The following BEND3 variants were observed in gnomAD, a reference collection of about 807,000 sequenced individuals.
BEND3 encodes BEN domain-containing protein 3.
A neutral mutation model predicts 60.1 loss-of-function variants in BEND3; 13 were observed. That is an observed-to-expected ratio of 0.22 (90% CI 0.14 to 0.34). The LOEUF (loss-of-function observed/expected upper bound fraction) is 0.34, where lower values mean the gene tolerates loss of function less well. Ranked by LOEUF, BEND3 falls within the 10% of genes least tolerant of loss-of-function variation. The probability of loss-of-function intolerance (pLI) is 1.00; values close to 1 mark genes in which losing one functional copy is unlikely to be tolerated. For synonymous variants in BEND3, 497 were observed against 491.5 expected (o/e 1.01, Z -0.15); for missense variants, 896 against 1,138.1 (o/e 0.79, Z 3.06).
At chr6:107,105,327 C>T (rs782798016) in intron 1 of BEND3, among the ~76,000 whole-genome samples, 4 of 149,910 alleles carry the variant, frequency 2.7e-5, no homozygotes, top group Admixed American at 6.7e-5. Flanking sequence ...GCCGAGATCG[C>T]GCCACTGCAC....
intron 3 of BEND3, among the ~76,000 whole-genome samples, chr6:107,090,140 G>A (rs1324868811): frequency 1.3e-5 from 2 of 151,942 alleles, no homozygotes; most frequent in Non-Finnish European, 2.9e-5. Context: ...CTTGAGGTCA[G>A]GAGTTCAAGA....
In BEND3 at chr6:107,069,286, G is replaced by T. The variant is rs1417714071; in HGVS notation, c.1905C>A (p.Phe635Leu). ...AKNDRVWTLE[F>L]VGKLDERCRR... Reference sequence around the variant, plus strand: ...GGCAGCGCTCATCCAGTTTGCCCACGAACTCCAGGGTCCAGACGCGGTCGT... The same window carrying T: ...GGCAGCGCTCATCCAGTTTGCCCACTAACTCCAGGGTCCAGACGCGGTCGT... The change falls in exon 4 of 4, where the codon TTC becomes TTA. Residue 635 changes from phenylalanine (F) to leucine (L), a missense_variant. Physicochemically the swap from Phe to Leu is conservative, Grantham distance 22. Transcript: ENST00000369042. The T allele has an allele frequency of 1.2e-6, 2 of 1,612,380 alleles. No individual in the cohort carries two copies. Among genetic ancestry groups the T allele is most frequent in the African/African-American group, 2.7e-5 (2 of 74,890 alleles).
At chr6:107,073,456 A>G (rs1347150023) in intron 3 of BEND3, among the ~76,000 whole-genome samples, 1 of 151,528 alleles carries the variant, frequency 6.6e-6, no homozygotes, top group African/African-American at 2.4e-5. Flanking sequence ...GTCAAACTGC[A>G]TGATGGTTGT....
intron 3 of BEND3, among the ~76,000 whole-genome samples, chr6:107,094,329 T>C (rs1554235652): frequency 6.6e-6 from 1 of 151,924 alleles, no homozygotes; most frequent in African/African-American, 2.4e-5. Flanking sequence ...AAGCACAAAT[T>C]AAGAGAACAA....
At chr6:107,075,126 T>G (rs1160755999) in intron 3 of BEND3, among the ~76,000 whole-genome samples, 2 of 150,214 alleles carry the variant, frequency 1.3e-5, no homozygotes, top group Admixed American at 6.6e-5. Context: ...CTAGGGAGGC[T>G]TAGGTGGGAG....
chr6:107,069,489 G>C lies in BEND3; in HGVS notation c.1702C>G (p.Leu568Val). ...EQLRSIYESS[L>V]SIGNFASRLL... ...CGCGAGGCGAAGTTGCCGATGGACA[G>C]GCTGCTCTCGTAGATGCTGCGTAGC... is the stretch of plus-strand genomic sequence containing the variant. The change falls in exon 4 of 4, where the codon CTG becomes GTG. Residue 568 changes from leucine to valine, a missense_variant. This residue lies in a region of BEND3 where 846 missense variants were observed against 1,036.7 expected (regional missense o/e 0.82). Coordinates refer to ENST00000369042, the MANE Select transcript of BEND3 (RefSeq NM_001367314.1). The C allele has an allele frequency of 6.2e-7, 1 of 1,613,028 alleles. No individual in the cohort carries two copies. Among genetic ancestry groups the C allele is most frequent in the Non-Finnish European group, 8.5e-7 (1 of 1,180,036 alleles).
chr6:107,073,344 G>T (rs1201617300), intron 3 of BEND3, among the ~76,000 whole-genome samples: 1 of 147,960 alleles, frequency 6.8e-6, no homozygotes, highest in African/African-American at 2.5e-5. Flanking sequence ...ACTCACAGGA[G>T]CAGAGGACCA....
chr6:107,084,947 T>C (rs1300298708), intron 3 of BEND3, among the ~76,000 whole-genome samples: 13 of 152,356 alleles, frequency 8.5e-5, no homozygotes, highest in African/African-American at 2.9e-4. Context: ...CCTTCCACGC[T>C]GTGGAAGCTT....
intron 1 of BEND3, among the ~76,000 whole-genome samples, chr6:107,107,610 G>A (rs557769546): frequency 1.3e-5 from 2 of 152,070 alleles, no homozygotes; most frequent in Admixed American, 6.6e-5. Context: ...TTACAGGTGG[G>A]CACCACCATG....
chr6:107,110,551 TTGTG>T (rs375661913), intron 1 of BEND3, among the ~76,000 whole-genome samples: 1 of 152,124 alleles, frequency 6.6e-6, no homozygotes, highest in Non-Finnish European at 1.5e-5. Context: ...GCACATTTTT[TTGTG>T]TGTGACTTTC....
At chr6:107,113,454 CAAAA>C (rs59947146) in intron 1 of BEND3, among the ~76,000 whole-genome samples, 1,307 of 60,596 alleles carry the variant, frequency 0.022, 28 homozygotes, top group African/African-American at 0.1. Context: ...AAAAAAAAAA[CAAAA>C]AAAAAACTCA....
intron 1 of BEND3, among the ~76,000 whole-genome samples, chr6:107,112,660 C>G (rs1297050901): frequency 3.3e-5 from 5 of 151,962 alleles, no homozygotes; most frequent in African/African-American, 1.2e-4. Context: ...TCGAGACCAG[C>G]CTGACCAACA....
rs183163846 is a variant in BEND3, at chr6:107,090,410, T to C, written c.240+8141A>G. Among the ~76,000 whole-genome samples the C allele has an allele frequency of 3.3e-5, 5 of 152,250 alleles. No individual in the cohort carries two copies. The East Asian group carries it at 9.6e-4, about 29-fold the overall frequency. On this transcript the variant is annotated intron_variant, in intron 3 of 3. Coordinates refer to ENST00000369042, the MANE Select transcript of BEND3 (RefSeq NM_001367314.1). ...TTGCCAGAAATGTTCAAAGGATTTC[T>C]TCAGAGAGAAAGAAAATGTCAGAAA...
At chr6:107,099,872 A>AT (rs35134580) in intron 1 of BEND3, among the ~76,000 whole-genome samples, 114,323 of 147,972 alleles carry the variant, frequency 0.77, 44,031 homozygotes, top group Middle Eastern at 0.84. Context: ...CTCACTAGTA[A>AT]TTTTTTTTTT....
Position 107,068,707 on chromosome 6 carries a change from C to T in BEND3, c.2484G>A (p.Lys828=), listed in dbSNP as rs370427972. 6.2e-7 allele frequency: 1 copy of T among 1,612,506 alleles called. No homozygotes were observed. The highest frequency in any genetic ancestry group is 8.5e-7 in the Non-Finnish European group (1 of 1,179,458). ...TCTCTGGGCAGGTCACGGGCCTTCA[C>T]TTCTCCACTTTCTTTGCTTTCTTGA... The part of the protein sequence containing the change: ...DILKKAKKVE[K] Residue 828 remains lysine (K), a synonymous_variant, in exon 4 of 4, where the codon AAG becomes AAA. Coordinates refer to ENST00000369042, the MANE Select transcript of BEND3 (RefSeq NM_001367314.1). The surrounding 1 kb of genome is among the most constrained non-coding windows in gnomAD (Gnocchi z 5.8).
At chr6:107,107,545 C>T (rs1238177425) in intron 1 of BEND3, among the ~76,000 whole-genome samples, 2 of 152,070 alleles carry the variant, frequency 1.3e-5, no homozygotes, top group Admixed American at 6.6e-5. Flanking sequence ...TCACTGCAAC[C>T]TTTGCCTCCT....
At position 107,070,685 on chromosome 6, in the gene BEND3, C is replaced by T. The variant is rs781902438; in HGVS notation, c.506G>A (p.Arg169Gln). 8.1e-6 allele frequency: 13 copies of T among 1,613,092 alleles called. No homozygotes were observed. The East Asian group carries it at 8.9e-5, about 11-fold the overall frequency. The change falls in exon 4 of 4, where the codon CGG (arginine) becomes CAG (glutamine). Residue 169 changes from arginine to glutamine, a missense_variant. Arg to Gln is a conservative substitution (Grantham distance 43). Coordinates refer to ENST00000369042, the MANE Select transcript of BEND3 (RefSeq NM_001367314.1). The surrounding 1 kb of genome is among the most constrained non-coding windows in gnomAD (Gnocchi z 6.9). ...CCGCTTCTGTGGCTCATTCAGGAGC[C>T]GCAGTGACGAGGGGCTGTTGCTGGC... is the stretch of plus-strand genomic sequence containing the variant. Reference protein sequence around the residue: ...ANASNSPSSLRLLNEPQKRDC... With the variant: ...ANASNSPSSLQLLNEPQKRDC...
At chr6:107,089,437 T>C (rs1775425131) in intron 3 of BEND3, among the ~76,000 whole-genome samples, 1 of 150,928 alleles carries the variant, frequency 6.6e-6, no homozygotes, top group Non-Finnish European at 1.5e-5. Context: ...AAAAACAAAA[T>C]TAGCCCAGCA....
At chr6:107,080,986 G>A (rs186967151) in intron 3 of BEND3, among the ~76,000 whole-genome samples, 24 of 152,060 alleles carry the variant, frequency 1.6e-4, no homozygotes, top group Non-Finnish European at 2.9e-4. Context: ...TTTTGGCATG[G>A]GATCTCAGTC....
Sources: gnomAD v4.1 joint callset for allele counts (sites outside exome capture counted in the v4.1 genomes callset) on GRCh38, gnomAD v4.1.1 for gene constraint, gnomAD v4.1.1 regional missense constraint, Gnocchi (gnomAD v3.1) non-coding constraint, MANE v1.5 for transcripts, NCBI Gene and HGNC (gene_info 2026-07-23, HGNC 2026-07-21) for gene names.